Variants in PIBF1 observed in about 807,000 individuals in gnomAD.
PIBF1 encodes the protein progesterone-induced-blocking factor 1.
A neutral mutation model predicts 112.5 loss-of-function variants in PIBF1; 90 were observed. The ratio of observed to expected loss-of-function variants is 0.80; its 90% CI spans 0.67 to 0.95. The LOEUF (loss-of-function observed/expected upper bound fraction) is 0.95, where lower values mean the gene tolerates loss of function less well. Ranked by LOEUF, PIBF1 falls within the 40% of genes least tolerant of loss-of-function variation. The pLI is 0.00. For synonymous variants in PIBF1, 301 were observed against 288.6 expected (o/e 1.04, Z -0.44); for missense variants, 915 against 852.3 (o/e 1.07, Z -0.92).
At chr13:72,892,285 G>A (rs1054661924) in intron 10 of PIBF1, among the ~76,000 whole-genome samples, 5 of 152,024 alleles carry the variant, frequency 3.3e-5, no homozygotes, top group Non-Finnish European at 7.4e-5. Context: ...TTCCAAAAAA[G>A]TTAGTCACAA....
intron 16 of PIBF1, among the ~76,000 whole-genome samples, chr13:72,984,798 C>A (rs146771509): frequency 6.6e-6 from 1 of 152,126 alleles, no homozygotes; most frequent in African/African-American, 2.4e-5. Context: ...TTATAAATAT[C>A]TTTGTTGTAT....
intron 11 of PIBF1, among the ~76,000 whole-genome samples, chr13:72,899,289 C>T (rs1239170652): frequency 6.6e-6 from 1 of 152,036 alleles, no homozygotes; most frequent in Non-Finnish European, 1.5e-5. Flanking sequence ...CCAGCATCAC[C>T]CTAATACCAA....
intron 10 of PIBF1, among the ~76,000 whole-genome samples, chr13:72,876,563 A>G (rs981216241): frequency 3.3e-5 from 5 of 152,186 alleles, no homozygotes; most frequent in African/African-American, 1.2e-4. Flanking sequence ...TCTTACCCAT[A>G]TATGTAGAGT....
chr13:72,989,628 T>A (rs1363932687), intron 16 of PIBF1, among the ~76,000 whole-genome samples: 2 of 151,942 alleles, frequency 1.3e-5, no homozygotes, highest in Non-Finnish European at 2.9e-5. Flanking sequence ...GCAATCAGAG[T>A]TTCTTAGGTT....
At chr13:72,888,587 AC>A (rs1168312635) in intron 10 of PIBF1, among the ~76,000 whole-genome samples, 2 of 152,152 alleles carry the variant, frequency 1.3e-5, no homozygotes, top group African/African-American at 4.8e-5. Context: ...GCATTTTGAA[AC>A]AATCTAAATG....
chr13:72,836,494 TTATTTATAAGTTGCTG>T (rs1309261527), intron 9 of PIBF1, among the ~76,000 whole-genome samples: 14 of 152,194 alleles, frequency 9.2e-5, no homozygotes, highest in Admixed American at 4.6e-4. Flanking sequence ...TTATAGTTGC[TTATTTATAAGTTGCTG>T]TATTTATAAG....
chr13:72,892,129 A>G (rs1302883176), intron 10 of PIBF1, among the ~76,000 whole-genome samples: 1 of 152,140 alleles, frequency 6.6e-6, no homozygotes, highest in East Asian at 1.9e-4. Context: ...TAAGCTAAAA[A>G]CCACAGAACT....
intron 14 of PIBF1, among the ~76,000 whole-genome samples, chr13:72,953,304 C>G (rs2042352453): frequency 6.6e-6 from 1 of 152,196 alleles, no homozygotes; most frequent in Admixed American, 6.5e-5. Flanking sequence ...GTGGAAAGTT[C>G]AGGGACTCAA....
intron 11 of PIBF1, among the ~76,000 whole-genome samples, chr13:72,894,891 G>GAGGT (rs2040216330): frequency 6.6e-6 from 1 of 151,480 alleles, no homozygotes; most frequent in African/African-American, 2.4e-5. Flanking sequence ...TTTGGAGGCT[G>GAGGT]AGGTAGGTGG....
At chr13:72,996,816 G>A (rs1177060134) in intron 16 of PIBF1, among the ~76,000 whole-genome samples, 2 of 151,778 alleles carry the variant, frequency 1.3e-5, no homozygotes, top group Admixed American at 6.6e-5. Context: ...ATTTACCATC[G>A]ATATAAGTTG....
intron 2 of PIBF1, among the ~76,000 whole-genome samples, chr13:72,790,039 CAG>C (rs1437982113): frequency 6.6e-6 from 1 of 152,106 alleles, no homozygotes; most frequent in Non-Finnish European, 1.5e-5. Context: ...ATGGCCAAGA[CAG>C]AAAATATTTT....
At chr13:72,971,896 C>G in intron 15 of PIBF1, among the ~76,000 whole-genome samples, 1 of 151,564 alleles carries the variant, frequency 6.6e-6, no homozygotes, top group East Asian at 1.9e-4. Context: ...TGGGCTTTCC[C>G]TCTTAAGTCC....
At chr13:72,794,000 C>G (rs776626069) in intron 3 of PIBF1, among the ~76,000 whole-genome samples, 2 of 151,960 alleles carry the variant, frequency 1.3e-5, no homozygotes, top group Non-Finnish European at 2.9e-5. Flanking sequence ...GATGAATTCC[C>G]CAAGGAGTGC....
intron 17 of PIBF1, among the ~76,000 whole-genome samples, chr13:73,014,569 G>A (rs1000695377): frequency 2.0e-5 from 3 of 152,138 alleles, no homozygotes; most frequent in African/African-American, 7.2e-5. Context: ...GTGGACCTAG[G>A]GTGATAATAT....
chr13:72,950,093 A>T (rs866038795), intron 14 of PIBF1, among the ~76,000 whole-genome samples: 2 of 152,192 alleles, frequency 1.3e-5, no homozygotes, highest in East Asian at 3.8e-4. Context: ...ATTGTTATGT[A>T]TCCCCATATT....
At chr13:72,792,392 C>A in intron 2 of PIBF1, 55 bp from the exon 3 acceptor site, 1 of 1,079,092 alleles carries the variant, frequency 9.3e-7, no homozygotes, top group Non-Finnish European at 1.4e-6. Context: ...TATTATGAAA[C>A]TGAAAGTTTT....
intron 10 of PIBF1, among the ~76,000 whole-genome samples, chr13:72,866,711 G>C (rs1446708230): frequency 1.3e-5 from 2 of 152,004 alleles, no homozygotes; most frequent in African/African-American, 2.4e-5. Context: ...CTTCATTTAG[G>C]CCATTTAATT....
intron 12 of PIBF1, among the ~76,000 whole-genome samples, chr13:72,913,390 A>G (rs1009710236): frequency 1.7e-4 from 26 of 152,242 alleles, no homozygotes; most frequent in African/African-American, 4.3e-4. Context: ...GAAGTGTGCA[A>G]ATGTCCACAA....
chr13:72,851,491 G>T (rs2038152143), intron 9 of PIBF1, among the ~76,000 whole-genome samples: 1 of 152,212 alleles, frequency 6.6e-6, no homozygotes, highest in Non-Finnish European at 1.5e-5. Flanking sequence ...CGGAAGGGAG[G>T]CTGGCCAAAG....
Sources: allele counts gnomAD v4.1 joint callset (sites outside exome capture counted in the v4.1 genomes callset), GRCh38; gene constraint gnomAD v4.1.1; transcripts MANE v1.5; gene names NCBI Gene and HGNC (gene_info 2026-07-23, HGNC 2026-07-21).